Variants in ZNF423 observed in about 807,000 individuals in gnomAD.
The protein encoded by ZNF423 is zinc finger protein 423.
In ZNF423, 12 loss-of-function variants were observed where a neutral mutation model predicts 95.8. That is an observed-to-expected ratio of 0.13 (90% CI 0.08 to 0.20). The LOEUF is 0.20. Among genes scored for constraint, ZNF423 ranks in the 10% least tolerant of loss-of-function variants. The probability of loss-of-function intolerance (pLI) is 1.00; values close to 1 mark genes in which losing one functional copy is unlikely to be tolerated. For synonymous variants in ZNF423, 749 were observed against 711.9 expected (o/e 1.05, Z -0.83); for missense variants, 1,316 against 1,737.1 (o/e 0.76, Z 4.31).
At chr16:49,730,580 G>A (rs531464947) in intron 3 of ZNF423, 191 bp downstream of exon 3, 41 of 649,940 alleles carry the variant, frequency 6.3e-5, no homozygotes, top group South Asian at 6.1e-4. Context: ...CCTGCCTGCC[G>A]GAAAGCTGTT....
chr16:49,526,041 G>A (rs1968592266), intron 5 of ZNF423, among the ~76,000 whole-genome samples: 1 of 152,098 alleles, frequency 6.6e-6, no homozygotes, highest in Non-Finnish European at 1.5e-5. Context: ...AATACATGGC[G>A]AGAGCACTCT....
chr16:49,655,217 G>A (rs2029865328), intron 3 of ZNF423, among the ~76,000 whole-genome samples: 1 of 152,090 alleles, frequency 6.6e-6, no homozygotes. Flanking sequence ...TGCAATGAGA[G>A]CCCATCGTCA....
At chr16:49,518,845 A>C (rs1193652926) in intron 7 of ZNF423, among the ~76,000 whole-genome samples, 1 of 152,202 alleles carries the variant, frequency 6.6e-6, no homozygotes, top group African/African-American at 2.4e-5. Flanking sequence ...GCTTGAGCCC[A>C]GGAGTTTGAG....
chr16:49,529,815 C>T (rs1026212318), intron 5 of ZNF423, among the ~76,000 whole-genome samples: 10 of 151,962 alleles, frequency 6.6e-5, no homozygotes, highest in East Asian at 1.9e-4. Context: ...GGGGTGTGGA[C>T]GGGGCATTGT....
intron 5 of ZNF423, among the ~76,000 whole-genome samples, chr16:49,601,123 T>C (rs1447263070): frequency 1.3e-5 from 2 of 152,206 alleles, no homozygotes; most frequent in Non-Finnish European, 2.9e-5. Context: ...GAAGGGCCCA[T>C]GTGCTGACGA....
intron 3 of ZNF423, among the ~76,000 whole-genome samples, chr16:49,727,927 C>T (rs552518431): frequency 6.6e-6 from 1 of 152,336 alleles, no homozygotes; most frequent in Non-Finnish European, 1.5e-5. Context: ...GGGGAGCCTG[C>T]GATTGCACAT....
intron 3 of ZNF423, among the ~76,000 whole-genome samples, chr16:49,677,297 AGAAGAGAAGAGAAAGGAGGG>A (rs2031128121): frequency 2.6e-5 from 2 of 78,272 alleles, no homozygotes; most frequent in African/African-American, 9.3e-5. Context: ...AGAAGAGAAG[AGAAGAGAAGAGAAAGGAGGG>A]GAAGGGAGGG....
chr16:49,561,471 CT>C (rs1227063221), intron 5 of ZNF423, among the ~76,000 whole-genome samples: 2 of 152,138 alleles, frequency 1.3e-5, no homozygotes, highest in Non-Finnish European at 2.9e-5. Flanking sequence ...CCTTTGTATA[CT>C]CCCCTTAATC....
At chr16:49,798,472 C>T (rs2034532453) in intron 1 of ZNF423, among the ~76,000 whole-genome samples, 1 of 149,458 alleles carries the variant, frequency 6.7e-6, no homozygotes, top group Non-Finnish European at 1.5e-5. Context: ...CACACCACTG[C>T]ACTCCAGTCT....
At chr16:49,704,661 C>G (rs909548575) in intron 3 of ZNF423, among the ~76,000 whole-genome samples, 1 of 152,158 alleles carries the variant, frequency 6.6e-6, no homozygotes, top group Non-Finnish European at 1.5e-5. Context: ...TCCAGTAGAT[C>G]TGGAGGGAGT....
intron 7 of ZNF423, among the ~76,000 whole-genome samples, chr16:49,517,068 C>T (rs1206225082): frequency 6.6e-6 from 1 of 152,144 alleles, no homozygotes; most frequent in Non-Finnish European, 1.5e-5. Context: ...AGAGAGAGGA[C>T]AATAAAAGCC....
chr16:49,604,159 C>T (rs552251545), intron 5 of ZNF423, among the ~76,000 whole-genome samples: 14 of 152,338 alleles, frequency 9.2e-5, no homozygotes, highest in South Asian at 8.3e-4. Context: ...ATCAGCACCC[C>T]GCTGGCGGGC....
intron 2 of ZNF423, among the ~76,000 whole-genome samples, chr16:49,782,539 GATA>G (rs2034229950): frequency 6.6e-6 from 1 of 152,232 alleles, no homozygotes; most frequent in African/African-American, 2.4e-5. Flanking sequence ...ACGGTCAACT[GATA>G]ATACTGAGTG....
chr16:49,622,183 T>C lies in ZNF423; in HGVS notation c.3601+3987A>G, dbSNP rs1224561062. Reference sequence around the variant, plus strand: ...AAGTCACGCCAGGTGGGAATGATGATTGCGGGAATGTGAAGCCCTTGCTGC... The same window carrying C: ...AAGTCACGCCAGGTGGGAATGATGACTGCGGGAATGTGAAGCCCTTGCTGC... On this transcript the variant is annotated intron_variant, in intron 5 of 7. Transcript: ENST00000563137. 3.9e-5 allele frequency among the ~76,000 whole-genome samples: 6 copies of C among 152,146 alleles called. No individual in the cohort carries two copies. The East Asian group carries it at 1.2e-3, about 29-fold the overall frequency.
chr16:49,657,055 G>C (rs1210692347), intron 3 of ZNF423, among the ~76,000 whole-genome samples: 1 of 152,208 alleles, frequency 6.6e-6, no homozygotes, highest in African/African-American at 2.4e-5. Context: ...CCGTTCAGGG[G>C]CACAAGCATT....
At chr16:49,565,832 A>AAGT (rs1189907235) in intron 5 of ZNF423, among the ~76,000 whole-genome samples, 1 of 151,958 alleles carries the variant, frequency 6.6e-6, no homozygotes, top group Non-Finnish European at 1.5e-5. Context: ...AAAGGAAGAA[A>AAGT]AGTAGGAAAA....
chr16:49,683,048 T>C (rs1297641537), intron 3 of ZNF423, among the ~76,000 whole-genome samples: 2 of 152,206 alleles, frequency 1.3e-5, no homozygotes, highest in Non-Finnish European at 2.9e-5. Flanking sequence ...AGAGCTGCAG[T>C]GCCCAGAGGA....
chr16:49,611,584 C>G (rs1251687607), intron 5 of ZNF423, among the ~76,000 whole-genome samples: 3 of 151,624 alleles, frequency 2.0e-5, no homozygotes, highest in Non-Finnish European at 4.4e-5. Context: ...CCTCAAAGAC[C>G]TAGAAAAAGA....
intron 3 of ZNF423, among the ~76,000 whole-genome samples, chr16:49,685,596 A>G (rs2031533392): frequency 6.6e-6 from 1 of 152,162 alleles, no homozygotes; most frequent in Non-Finnish European, 1.5e-5. Flanking sequence ...CCAGGAAACC[A>G]GGGATCCTCC....
Sources: allele counts gnomAD v4.1 joint callset (sites outside exome capture counted in the v4.1 genomes callset), GRCh38; gene constraint gnomAD v4.1.1; transcripts MANE v1.5; gene names NCBI Gene and HGNC (gene_info 2026-07-23, HGNC 2026-07-21).